HDAC4: variants seen among roughly 807,000 people sequenced by gnomAD.
The protein encoded by HDAC4 is histone deacetylase A.
Under a neutral mutation model 135.1 loss-of-function variants are expected in HDAC4, and 16 were observed. The ratio of observed to expected loss-of-function variants is 0.12; its 90% CI spans 0.08 to 0.18. The LOEUF (loss-of-function observed/expected upper bound fraction) is 0.18. Among genes scored for constraint, HDAC4 ranks in the 10% least tolerant of loss-of-function variants. The pLI is 1.00. For synonymous variants in HDAC4, 685 were observed against 653.4 expected, an observed-to-expected ratio of 1.05 and a Z score of -0.74; for missense variants, 1,143 against 1,511.8, an observed-to-expected ratio of 0.76 and a Z score of 4.05.
At chr2:239,257,371 A>G (rs1045160013) in intron 2 of HDAC4, among the ~76,000 whole-genome samples, 1 of 152,186 alleles carries the variant, frequency 6.6e-6, no homozygotes. Context: ...ACAGTGAAGA[A>G]TTACAGGACC....
chr2:239,180,191 C>T (rs906897404), intron 4 of HDAC4, among the ~76,000 whole-genome samples: 1 of 152,150 alleles, frequency 6.6e-6, no homozygotes, highest in Non-Finnish European at 1.5e-5. Context: ...CCCTCTCCTG[C>T]GAGAGCCTGG....
intron 2 of HDAC4, among the ~76,000 whole-genome samples, chr2:239,297,748 G>A (rs1328017148): frequency 6.6e-6 from 1 of 152,200 alleles, no homozygotes; most frequent in African/African-American, 2.4e-5. Flanking sequence ...AGCCCCACCT[G>A]ACACAGGGCT....
chr2:239,183,011 C>T lies in HDAC4; in HGVS notation c.340-6448G>A, dbSNP rs116648641. On this transcript the variant is annotated intron_variant, in intron 4 of 26. Coordinates refer to ENST00000543185, the MANE Select transcript of HDAC4 (RefSeq NM_001378414.1). ...CTAAAATTGTCTGCAACTAGTCCCT[C>T]GCTAACTTTACACGTCAGACTACTC... is the stretch of plus-strand genomic sequence containing the variant. Among the ~76,000 whole-genome samples, 1,340 of 152,336 alleles carry T rather than the reference C, an allele frequency of 8.8e-3. 26 individuals carry two copies. Among genetic ancestry groups the T allele is most frequent in the African/African-American group, 0.031 (1,286 of 41,568 alleles).
At chr2:239,176,884 G>A (rs577977952) in intron 4 of HDAC4, among the ~76,000 whole-genome samples, 158 of 152,354 alleles carry the variant, frequency 1.0e-3, no homozygotes, top group African/African-American at 3.6e-3. Context: ...AGACAGTGAA[G>A]AGAGCGTGAA....
chr2:239,389,990 C>T (rs1176816938), intron 1 of HDAC4, among the ~76,000 whole-genome samples: 1 of 152,168 alleles, frequency 6.6e-6, no homozygotes, highest in Non-Finnish European at 1.5e-5. Context: ...TGGGTGTGAA[C>T]CAGCCAGTGT....
intron 12 of HDAC4, among the ~76,000 whole-genome samples, chr2:239,120,627 TA>T (rs1272329871): frequency 1.1e-3 from 10 of 9,238 alleles, no homozygotes; most frequent in Admixed American, 4.0e-3. Context: ...GGAAGGGAAA[TA>T]GGGGGAGGGG....
chr2:239,098,842 T>G (rs1211786856), intron 16 of HDAC4, among the ~76,000 whole-genome samples: 1 of 152,202 alleles, frequency 6.6e-6, no homozygotes, highest in Non-Finnish European at 1.5e-5. Flanking sequence ...AGGACAATTG[T>G]CGGAAATTCA....
At chr2:239,364,739 A>G (rs1337178672) in intron 1 of HDAC4, among the ~76,000 whole-genome samples, 2 of 152,268 alleles carry the variant, frequency 1.3e-5, no homozygotes, top group Non-Finnish European at 2.9e-5. Flanking sequence ...AAAGATCCAA[A>G]TAATACTGAT....
At position 239,352,969 on chromosome 2, in the gene HDAC4, G is replaced by A. The variant is rs114183263; in HGVS notation, c.-219-51C>T. ...ACTGGAGTTACAACATGGAAGTTCC[G>A]ATCTGGAAAACAACATCCAACTAGG... On this transcript the variant is annotated intron_variant, in intron 1 of 26. Coordinates refer to ENST00000543185, the MANE Select transcript of HDAC4 (RefSeq NM_001378414.1). This position sits in a 1 kb window ranked among gnomAD's most constrained non-coding sequence, Gnocchi z 4.4. The A allele has an allele frequency of 6.2e-4, 305 of 492,574 alleles. No individual in the cohort carries two copies. The highest frequency in any genetic ancestry group is 4.9e-3 in the African/African-American group (254 of 51,676). The allele number at this position is 492,574 out of a possible 1,614,324, so 30.5% of individuals were successfully genotyped here. A position where few individuals can be genotyped will look rare whatever the true frequency, so the allele number is the denominator to read the frequency against.
intron 4 of HDAC4, among the ~76,000 whole-genome samples, chr2:239,178,696 C>T (rs1254701921): frequency 6.6e-6 from 1 of 152,174 alleles, no homozygotes; most frequent in African/African-American, 2.4e-5. Flanking sequence ...TGGTGGGTTG[C>T]TTTTTGTTGG....
intron 3 of HDAC4, among the ~76,000 whole-genome samples, chr2:239,229,057 G>A (rs936571574): frequency 3.6e-4 from 55 of 152,208 alleles, no homozygotes; most frequent in African/African-American, 1.2e-3. Context: ...CAGGAGAATC[G>A]CTTGAACCTG....
intron 16 of HDAC4, among the ~76,000 whole-genome samples, chr2:239,098,378 G>C (rs761321882): frequency 1.3e-5 from 2 of 152,232 alleles, no homozygotes; most frequent in Non-Finnish European, 2.9e-5. Context: ...GGGAAGGCTC[G>C]GCTCCAGCCA....
chr2:239,234,119 A>C (rs1196833611), intron 3 of HDAC4, among the ~76,000 whole-genome samples: 1 of 152,204 alleles, frequency 6.6e-6, no homozygotes, highest in African/African-American at 2.4e-5. Context: ...GTTTGAAAGA[A>C]CACGCTTCAC....
chr2:239,392,064 C>A (rs1696257437), intron 1 of HDAC4, among the ~76,000 whole-genome samples: 1 of 152,234 alleles, frequency 6.6e-6, no homozygotes, highest in African/African-American at 2.4e-5. Context: ...TGCTCCCACA[C>A]CAGGCCCCAT....
chr2:239,354,700 A>G (rs1019200536), intron 1 of HDAC4, among the ~76,000 whole-genome samples: 1 of 150,632 alleles, frequency 6.6e-6, no homozygotes, highest in Non-Finnish European at 1.5e-5. Context: ...CATTGTATCT[A>G]CAACTCTGAT....
chr2:239,328,288 A>ACAT (rs2053528355), intron 2 of HDAC4, among the ~76,000 whole-genome samples: 1 of 152,220 alleles, frequency 6.6e-6, no homozygotes, highest in African/African-American at 2.4e-5. Flanking sequence ...GGTACCCCAG[A>ACAT]TGAAAAATGT....
chr2:239,119,986 A>AGTGGGGACCACCC (rs1269064074), intron 12 of HDAC4, among the ~76,000 whole-genome samples: 4 of 53,798 alleles, frequency 7.4e-5, no homozygotes, highest in African/African-American at 1.5e-4. Flanking sequence ...CAGAGAAGGC[A>AGTGGGGACCACCC]GTGGGGACCA....
intron 4 of HDAC4, among the ~76,000 whole-genome samples, chr2:239,187,345 C>T (rs139426482): frequency 6.6e-5 from 10 of 152,340 alleles, no homozygotes. Context: ...CTACGGTACT[C>T]ATTTTAAAAA....
chr2:239,236,727 C>T (rs1181001933), intron 2 of HDAC4, 63 bp from the exon 3 acceptor site: 10 of 1,240,428 alleles, frequency 8.1e-6, no homozygotes, highest in Non-Finnish European at 1.2e-5. Context: ...ATACTTTATG[C>T]TGGGAGTCTG....
Sources: allele counts gnomAD v4.1 joint callset (sites outside exome capture counted in the v4.1 genomes callset), GRCh38; gene constraint gnomAD v4.1.1; non-coding constraint Gnocchi (gnomAD v3.1); transcripts MANE v1.5; gene names NCBI Gene and HGNC (gene_info 2026-07-23, HGNC 2026-07-21).